The following REV3L variants were observed in gnomAD, a reference collection of about 807,000 sequenced individuals.
The protein encoded by REV3L is REV3 like, DNA directed polymerase zeta catalytic subunit.
REV3L carries 69 observed loss-of-function variants against 299.4 expected under a neutral mutation model. The observed-to-expected ratio is 0.23, with a 90% CI of 0.19 to 0.28. The LOEUF is 0.28. REV3L is among the 10% of genes least tolerant of loss of function. The probability of loss-of-function intolerance (pLI) is 1.00; values close to 1 mark genes in which losing one functional copy is unlikely to be tolerated. For missense variants in REV3L, 3,128 were observed against 3,693.8 expected (o/e 0.85, Z 3.97); for synonymous variants, 1,238 against 1,271.4 (o/e 0.97, Z 0.56).
chr6:111,333,214 C>G lies in REV3L; in HGVS notation c.7834G>C (p.Val2612Leu). The G allele has an allele frequency of 6.2e-7, 1 of 1,614,080 alleles. No homozygotes were observed. Among genetic ancestry groups the G allele is most frequent in the South Asian group, 1.1e-5 (1 of 91,078 alleles). ...ESRFYSNSVL[V>L]LDFQSLYPSI... ...GGATAAAGTGATTGGAAATCCAAAA[C>G]GAGAACAGAGTTGCTATAGAAGCGG... The change falls in exon 23 of 32, where the codon GTT becomes CTT. Residue 2612 changes from valine (V) to leucine (L), a missense_variant. Transcript: ENST00000368802.
chr6:111,446,701 A>AAAACAAAC (rs35603807), intron 1 of REV3L, among the ~76,000 whole-genome samples: 2,155 of 149,782 alleles, frequency 0.014, 27 homozygotes, highest in East Asian at 0.054. Flanking sequence ...ACTCTGTCTC[A>AAAACAAAC]AAACAAACAA....
intron 1 of REV3L, among the ~76,000 whole-genome samples, chr6:111,438,469 T>C (rs148277176): frequency 3.3e-4 from 49 of 148,800 alleles, no homozygotes; most frequent in Admixed American, 2.7e-3. Context: ...TGTGCACCAG[T>C]GTACCTGGCT....
intron 3 of REV3L, among the ~76,000 whole-genome samples, chr6:111,409,464 T>C (rs907730835): frequency 1.3e-5 from 2 of 151,894 alleles, no homozygotes; most frequent in East Asian, 3.9e-4. Flanking sequence ...TAACCCACTA[T>C]CAATGAAAAC....
chr6:111,390,723 G>A (rs546339214), intron 5 of REV3L, among the ~76,000 whole-genome samples: 9 of 152,240 alleles, frequency 5.9e-5, no homozygotes, highest in African/African-American at 1.9e-4. Context: ...CTGATAAAAT[G>A]TATGAATGAT....
intron 12 of REV3L, among the ~76,000 whole-genome samples, chr6:111,377,418 C>T (rs1780424290): frequency 1.3e-5 from 2 of 152,112 alleles, no homozygotes; most frequent in Admixed American, 1.3e-4. Flanking sequence ...CTCACTGCAG[C>T]CTCAAACCCT....
intron 29 of REV3L, 193 bp from the exon 30 acceptor site, chr6:111,310,292 A>G: frequency 3.8e-6 from 2 of 521,088 alleles, no homozygotes; most frequent in Non-Finnish European, 5.9e-6. Flanking sequence ...TAGATATCCT[A>G]CAAGAGTTTA....
intron 1 of REV3L, chr6:111,472,188 AGTATGCCAACAT>A: frequency 8.5e-7 from 1 of 1,182,054 alleles, no homozygotes; most frequent in Non-Finnish European, 1.1e-6. Context: ...AGAAACTGCG[AGTATGCCAACAT>A]GTTTTAACTT....
Position 111,373,691 on chromosome 6 carries a change from T to A in REV3L, c.4664A>T (p.His1555Leu), listed in dbSNP as rs367778830. 4.3e-6 allele frequency: 7 copies of A among 1,613,882 alleles called. No homozygotes were observed. The East Asian group carries it at 6.7e-5, about 15-fold the overall frequency. ...ACCAGAAATATTTTTATTTGGTTGA[T>A]GTTTATTGGATAATGGGTCTTGTGT... is the stretch of plus-strand genomic sequence containing the variant. The part of the protein sequence containing the change: ...NTTQDPLSNK[H>L]QPNKNISGSL... The change falls in exon 13 of 32, where the codon CAT becomes CTT. Residue 1555 changes from histidine to leucine, a missense_variant. By Grantham distance (99) the His-to-Leu change is moderately conservative. Around this residue, in one of 9 missense-constraint regions of REV3L, gnomAD observed 2,409 missense variants for 2,611.8 expected, o/e 0.92. Coordinates refer to ENST00000368802, the MANE Select transcript of REV3L (RefSeq NM_001372078.1).
At chr6:111,467,862 T>C (rs969627269) in intron 1 of REV3L, among the ~76,000 whole-genome samples, 5 of 151,976 alleles carry the variant, frequency 3.3e-5, no homozygotes, top group Non-Finnish European at 5.9e-5. Flanking sequence ...TACGTAAGAG[T>C]AGAGCATTGC....
rs544231308 is a variant in REV3L, at chr6:111,313,226, A to G, written c.8604+126T>C. On this transcript the variant is annotated intron_variant, in intron 28 of 31. Transcript: ENST00000368802. ...TCTCAAAATTCATGTAGTTACTCCT[A>G]TAGTTATATTAATTATATAGGCTAT... 35 of 782,906 alleles carry G rather than the reference A, an allele frequency of 4.5e-5. 1 individual carries two copies. In the South Asian group the frequency reaches 5.6e-4, roughly 13 times the overall value. 48.5% of individuals were successfully genotyped at this position (782,906 alleles called of 1,614,324 possible).
At position 111,482,880 on chromosome 6, in the gene REV3L, T is replaced by C; in HGVS notation, c.9A>G (p.Ser3=). ...AGTAGTCTGCAGTCACTATCCTTAC[T>C]GAAAACATGTTCGCCGCCGCCGCCA... The part of the protein sequence containing the change: MF[S]VRIVTADYYM... The change falls in exon 1 of 32, where the codon TCA becomes TCG. Residue 3 remains serine, a synonymous_variant. Transcript: ENST00000368802. 1 of 1,516,094 alleles carries C rather than the reference T, an allele frequency of 6.6e-7. No individual in the cohort carries two copies. The highest frequency in any genetic ancestry group is 1.3e-5 in the South Asian group (1 of 76,864). The allele number at this position is 1,516,094 out of a possible 1,614,324, so 93.9% of individuals were successfully genotyped here. A position where few individuals can be genotyped will look rare whatever the true frequency, so the allele number is the denominator to read the frequency against.
chr6:111,428,020 G>GA (rs373499101), intron 1 of REV3L, among the ~76,000 whole-genome samples: 1,269 of 117,638 alleles, frequency 0.011, 8 homozygotes, highest in Middle Eastern at 0.023. Flanking sequence ...GCAGATTTAA[G>GA]AAAAAAAAAA....
At chr6:111,394,261 T>C (rs550526159) in intron 4 of REV3L, among the ~76,000 whole-genome samples, 5 of 152,288 alleles carry the variant, frequency 3.3e-5, no homozygotes, top group African/African-American at 9.6e-5. Flanking sequence ...CCACCAACAG[T>C]GTATAAGAGT....
At chr6:111,471,338 TTA>T (rs1792181555) in intron 1 of REV3L, among the ~76,000 whole-genome samples, 1 of 152,200 alleles carries the variant, frequency 6.6e-6, no homozygotes, top group Non-Finnish European at 1.5e-5. Flanking sequence ...AGCCAAATTT[TTA>T]AAAAGTGTTT....
intron 13 of REV3L, among the ~76,000 whole-genome samples, chr6:111,371,188 G>A (rs1286378591): frequency 6.6e-6 from 1 of 151,988 alleles, no homozygotes; most frequent in South Asian, 2.1e-4. Flanking sequence ...TGGACACAAG[G>A]GCAGGAACAA....
chr6:111,395,867 T>A (rs1045010131), intron 4 of REV3L, among the ~76,000 whole-genome samples: 5 of 152,220 alleles, frequency 3.3e-5, no homozygotes, highest in African/African-American at 1.2e-4. Context: ...GATCCTTCTA[T>A]GATTAACTTA....
Position 111,300,212 on chromosome 6 carries a change from AAAC to A in REV3L, c.9253-59_9253-57del, listed in dbSNP as rs554058950. The A allele has an allele frequency of 2.8e-4, 393 of 1,423,508 alleles. No individual in the cohort carries two copies. In the African/African-American group the frequency reaches 5.0e-3, roughly 18 times the overall value. The allele number at this position is 1,423,508 out of a possible 1,614,324, so 88.2% of individuals were successfully genotyped here. ...TAGGAAAGTTTTTATGCGTGTATGC[AAAC>A]AACAAATTTTTATAATCCCTACTTT... On this transcript the variant is annotated intron_variant, in intron 31 of 31. Coordinates refer to ENST00000368802, the MANE Select transcript of REV3L (RefSeq NM_001372078.1).
intron 18 of REV3L, among the ~76,000 whole-genome samples, chr6:111,352,733 G>A (rs1777702566): frequency 6.6e-6 from 1 of 152,104 alleles, no homozygotes; most frequent in Admixed American, 6.6e-5. Flanking sequence ...GATTAAGGTG[G>A]GGAAGGTAAA....
At chr6:111,437,724 C>T (rs927165286) in intron 1 of REV3L, among the ~76,000 whole-genome samples, 3 of 152,002 alleles carry the variant, frequency 2.0e-5, no homozygotes, top group South Asian at 2.1e-4. Context: ...CTATTTGAGA[C>T]GGTGTTTCTT....
Sources: gnomAD v4.1 joint callset for allele counts (sites outside exome capture counted in the v4.1 genomes callset) on GRCh38, gnomAD v4.1.1 for gene constraint, gnomAD v4.1.1 regional missense constraint, MANE v1.5 for transcripts, NCBI Gene and HGNC (gene_info 2026-07-23, HGNC 2026-07-21) for gene names.